EYA1: variants seen among roughly 807,000 people sequenced by gnomAD.
The protein encoded by EYA1 is protein phosphatase EYA1.
A neutral mutation model predicts 82.0 loss-of-function variants in EYA1; 16 were observed. The ratio of observed to expected loss-of-function variants is 0.20; its 90% CI spans 0.13 to 0.30. The LOEUF (loss-of-function observed/expected upper bound fraction) is 0.30, where lower values mean the gene tolerates loss of function less well. Ranked by LOEUF, EYA1 falls within the 10% of genes least tolerant of loss-of-function variation. EYA1 has a pLI of 1.00. For synonymous variants in EYA1, 261 were observed against 264.4 expected (o/e 0.99, Z 0.12); for missense variants, 633 against 730.7 (o/e 0.87, Z 1.54).
Position 71,198,511 on chromosome 8 carries a change from C to T in EYA1, c.*829G>A, listed in dbSNP as rs187719222. The T allele has an allele frequency of 6.4e-4, 98 of 152,656 alleles. No homozygotes were observed. Among genetic ancestry groups the T allele is most frequent in the African/African-American group, 2.1e-3 (88 of 41,544 alleles). 9.5% of individuals were successfully genotyped at this position (152,656 alleles called of 1,614,324 possible). A position where few individuals can be genotyped will look rare whatever the true frequency, so the allele number is the denominator to read the frequency against. On this transcript the variant is annotated 3_prime_UTR_variant, in exon 18 of 18. Transcript: ENST00000340726. ...AAGGCACGGCACATGAATTTGTGCA[C>T]GTGCTGCCTCATGCTTCACTATCCA...
intron 2 of EYA1, among the ~76,000 whole-genome samples, chr8:71,411,634 A>G (rs1245866964): frequency 6.6e-6 from 1 of 151,820 alleles, no homozygotes; most frequent in East Asian, 1.9e-4. Context: ...AAAAATGCTC[A>G]TCATCACTGG....
rs1819911381 is a variant in EYA1, at chr8:71,299,114, A to AT, written c.758dup (p.Asn253LysfsTer36). The AT allele has an allele frequency of 6.2e-7, 1 of 1,614,032 alleles. No homozygotes were observed. The highest frequency in any genetic ancestry group is 1.3e-5 in the African/African-American group (1 of 74,920). On this transcript the variant is annotated frameshift_variant, in exon 9 of 18. Transcript: ENST00000340726. LOFTEE classifies it high-confidence loss of function. ...GCGGTTCTTGAAGCTGGTAAGTGGC[A>AT]TTGGTGGATGGTGTCGTTGGGCTGG...
chr8:71,460,317 G>C (rs187666065), intron 2 of EYA1, among the ~76,000 whole-genome samples: 1 of 152,190 alleles, frequency 6.6e-6, no homozygotes, highest in African/African-American at 2.4e-5. Context: ...CACTTCTAGG[G>C]AAGTGACCTG....
intron 12 of EYA1, among the ~76,000 whole-genome samples, chr8:71,242,865 C>T (rs1812653966): frequency 6.6e-6 from 1 of 150,818 alleles, no homozygotes. Flanking sequence ...GTAACCTCTG[C>T]CTCCCGGGCT....
intron 7 of EYA1, among the ~76,000 whole-genome samples, chr8:71,311,379 C>T (rs368471226): frequency 5.9e-5 from 9 of 152,326 alleles, no homozygotes; most frequent in Non-Finnish European, 8.8e-5. Context: ...CGTGCACACA[C>T]GCACAAACTC....
chr8:71,239,615 C>T (rs569750947), intron 12 of EYA1, among the ~76,000 whole-genome samples: 2 of 152,272 alleles, frequency 1.3e-5, no homozygotes, highest in East Asian at 1.9e-4. Flanking sequence ...TGTACATATA[C>T]ATAGGGACCC....
chr8:71,545,895 T>G (rs7005367), intron 1 of EYA1, among the ~76,000 whole-genome samples: 7,032 of 152,196 alleles, frequency 0.046, 556 homozygotes, highest in African/African-American at 0.16. Flanking sequence ...TTTCTCTGCT[T>G]TCTCTGCAAG....
intron 11 of EYA1, among the ~76,000 whole-genome samples, chr8:71,265,693 C>T (rs1316247490): frequency 1.3e-5 from 2 of 152,116 alleles, no homozygotes; most frequent in African/African-American, 2.4e-5. Flanking sequence ...TATAAGGAGA[C>T]CATTCAATGA....
At chr8:71,509,795 T>G (rs1184918686) in intron 2 of EYA1, among the ~76,000 whole-genome samples, 1 of 152,150 alleles carries the variant, frequency 6.6e-6, no homozygotes, top group East Asian at 1.9e-4. Flanking sequence ...GCATTTTTAT[T>G]ATGCACTTGA....
intron 2 of EYA1, among the ~76,000 whole-genome samples, chr8:71,475,241 TAGGGTCAAAC>T (rs1332757368): frequency 6.6e-6 from 1 of 152,180 alleles, no homozygotes; most frequent in Admixed American, 6.5e-5. Flanking sequence ...TGTGTGTAGC[TAGGGTCAAAC>T]AGGGATAGAT....
chr8:71,471,049 G>A (rs1809164331), intron 2 of EYA1: 6 of 382,266 alleles, frequency 1.6e-5, no homozygotes, highest in Admixed American at 1.1e-4. Flanking sequence ...GACATTAGTA[G>A]TTCTTAAACA....
At chr8:71,263,676 C>G (rs1563718872) in intron 11 of EYA1, among the ~76,000 whole-genome samples, 1 of 152,186 alleles carries the variant, frequency 6.6e-6, no homozygotes, top group Admixed American at 6.5e-5. Context: ...CAGAGGCAGG[C>G]AGACAGCCTT....
intron 12 of EYA1, chr8:71,225,266 G>C (rs1563649341): frequency 6.6e-6 from 3 of 456,118 alleles, no homozygotes; most frequent in Non-Finnish European, 1.3e-5. Flanking sequence ...CTTCTGCCCA[G>C]CTTCACCAGC....
intron 4 of EYA1, 66 bp from the exon 5 acceptor site, chr8:71,322,334 G>A: frequency 4.5e-6 from 6 of 1,342,328 alleles, no homozygotes; most frequent in East Asian, 2.3e-5. Context: ...TATATAGAAA[G>A]CACTGACATA....
chr8:71,445,611 T>C (rs776987805), intron 2 of EYA1, among the ~76,000 whole-genome samples: 2 of 152,218 alleles, frequency 1.3e-5, no homozygotes, highest in Non-Finnish European at 2.9e-5. Context: ...ATTTGTGTTG[T>C]CTTCACAAAT....
chr8:71,426,542 C>G (rs921122782), intron 2 of EYA1, among the ~76,000 whole-genome samples: 2 of 152,212 alleles, frequency 1.3e-5, no homozygotes, highest in African/African-American at 4.8e-5. Context: ...CTGGCCTAAC[C>G]GGAGGGCTGT....
intron 12 of EYA1, among the ~76,000 whole-genome samples, chr8:71,233,204 C>T (rs1811402464): frequency 6.6e-6 from 1 of 152,172 alleles, no homozygotes; most frequent in African/African-American, 2.4e-5. Context: ...TTTCTCTTAT[C>T]CTACTATCTA....
At chr8:71,382,547 A>G (rs191396863) in intron 2 of EYA1, among the ~76,000 whole-genome samples, 3 of 152,260 alleles carry the variant, frequency 2.0e-5, no homozygotes, top group Admixed American at 6.5e-5. Flanking sequence ...TTTTTTAAAA[A>G]TATTTTTAAA....
chr8:71,468,276 G>A (rs775343692), intron 2 of EYA1, among the ~76,000 whole-genome samples: 5 of 151,986 alleles, frequency 3.3e-5, no homozygotes, highest in Non-Finnish European at 5.9e-5. Context: ...CTGGTCTCTG[G>A]TCTTCCCACT....
Sources: gnomAD v4.1 joint callset for allele counts (sites outside exome capture counted in the v4.1 genomes callset) on GRCh38, gnomAD v4.1.1 for gene constraint, MANE v1.5 for transcripts, NCBI Gene and HGNC (gene_info 2026-07-23, HGNC 2026-07-21) for gene names.